PEX5L: variants seen among roughly 807,000 people sequenced by gnomAD.
PEX5L encodes PEX5-related protein.
Under a neutral mutation model 84.0 loss-of-function variants are expected in PEX5L, and 30 were observed. The observed-to-expected ratio is 0.36, with a 90% CI of 0.27 to 0.48. PEX5L has a LOEUF of 0.48. Among genes scored for constraint, PEX5L ranks in the 20% least tolerant of loss-of-function variants. The pLI, the probability that PEX5L is intolerant of heterozygous loss-of-function variation, is 0.99. For missense variants in PEX5L, 533 were observed against 754.6 expected, an observed-to-expected ratio of 0.71 and a Z score of 3.44; for synonymous variants, 270 against 283.1, an observed-to-expected ratio of 0.95 and a Z score of 0.46.
intron 2 of PEX5L, among the ~76,000 whole-genome samples, chr3:179,940,388 G>C (rs544586805): frequency 1.2e-3 from 182 of 152,248 alleles, no homozygotes; most frequent in Non-Finnish European, 2.0e-3. Flanking sequence ...GTGTGTGTTG[G>C]GGGGCGCTGG....
At chr3:180,002,732 T>C (rs563103387) in intron 1 of PEX5L, among the ~76,000 whole-genome samples, 4 of 152,260 alleles carry the variant, frequency 2.6e-5, no homozygotes, top group South Asian at 2.1e-4. Context: ...GTTTTAACTA[T>C]AGCTAGAAAT....
chr3:179,805,881 C>T (rs146913710), intron 14 of PEX5L, among the ~76,000 whole-genome samples: 148 of 151,760 alleles, frequency 9.8e-4, no homozygotes, highest in African/African-American at 3.4e-3. Flanking sequence ...TCTGTGAATG[C>T]CAAGAAAGTA....
Position 179,883,921 on chromosome 3 carries a change from G to A in PEX5L, c.310+3752C>T, listed in dbSNP as rs73060705. Among the ~76,000 whole-genome samples, 680 of 152,238 alleles carry A rather than the reference G, an allele frequency of 4.5e-3. 1 individual carries two copies. The highest frequency in any genetic ancestry group is 0.015 in the African/African-American group (643 of 41,550). On this transcript the variant is annotated intron_variant, in intron 4 of 14. Coordinates refer to ENST00000467460, the MANE Select transcript of PEX5L (RefSeq NM_016559.3). ...GTCATGATGCAAATAAATATTTATC[G>A]CTACTAGAAGATTCTACTGAAAGCA...
intron 8 of PEX5L, among the ~76,000 whole-genome samples, chr3:179,839,654 C>T (rs558793373): frequency 2.0e-5 from 3 of 152,306 alleles, no homozygotes; most frequent in African/African-American, 7.2e-5. Context: ...TTTTTCTTCA[C>T]TTGCACTGAG....
At chr3:179,953,829 T>C (rs1244269941) in intron 2 of PEX5L, among the ~76,000 whole-genome samples, 1 of 152,104 alleles carries the variant, frequency 6.6e-6, no homozygotes, top group Non-Finnish European at 1.5e-5. Context: ...TGACATGCAG[T>C]AAATCATAAT....
At position 179,799,912 on chromosome 3, in the gene PEX5L, C is replaced by T. The variant is rs1718366102; in HGVS notation, c.*1916G>A. On this transcript the variant is annotated 3_prime_UTR_variant, in exon 15 of 15. Coordinates refer to ENST00000467460, the MANE Select transcript of PEX5L (RefSeq NM_016559.3). ...CTGAGACTGGGTGGTCGCTGCTACC[C>T]ATGATGAGTGCCTGAATGCCTCTGC... 6.6e-6 allele frequency: 1 copy of T among 152,176 alleles called. No individual in the cohort carries two copies. The highest frequency in any genetic ancestry group is 1.5e-5 in the Non-Finnish European group (1 of 68,056). 9.4% of individuals were successfully genotyped at this position (152,176 alleles called of 1,614,324 possible).
At chr3:179,993,796 T>C (rs973263665) in intron 1 of PEX5L, among the ~76,000 whole-genome samples, 2 of 152,066 alleles carry the variant, frequency 1.3e-5, no homozygotes, top group Admixed American at 6.6e-5. Context: ...AGCCACCGCA[T>C]CCGGCTTTCC....
chr3:179,841,486 A>G (rs961570666), intron 8 of PEX5L, among the ~76,000 whole-genome samples: 1 of 152,178 alleles, frequency 6.6e-6, no homozygotes, highest in South Asian at 2.1e-4. Context: ...TTAATATATT[A>G]TATTAGGATT....
At chr3:179,981,815 A>G (rs201426034) in intron 1 of PEX5L, among the ~76,000 whole-genome samples, 35 of 148,320 alleles carry the variant, frequency 2.4e-4, no homozygotes, top group African/African-American at 8.8e-4. Flanking sequence ...GAAAAAAAAA[A>G]CAAAGGGAGT....
chr3:179,913,993 A>G (rs1184099435), intron 2 of PEX5L, among the ~76,000 whole-genome samples: 1 of 152,212 alleles, frequency 6.6e-6, no homozygotes, highest in Non-Finnish European at 1.5e-5. Context: ...TTTTATAAAT[A>G]TGATTTCTCT....
Position 179,800,321 on chromosome 3 carries a change from A to G in PEX5L, c.*1507T>C, listed in dbSNP as rs1221136743. The G allele has an allele frequency of 6.6e-6, 1 of 152,170 alleles. No homozygotes were observed. The highest frequency in any genetic ancestry group is 1.5e-5 in the Non-Finnish European group (1 of 68,024). The allele number at this position is 152,170 out of a possible 1,614,324, so 9.4% of individuals were successfully genotyped here. A position where few individuals can be genotyped will look rare whatever the true frequency, so the allele number is the denominator to read the frequency against. On this transcript the variant is annotated 3_prime_UTR_variant, in exon 15 of 15. Coordinates refer to ENST00000467460, the MANE Select transcript of PEX5L (RefSeq NM_016559.3). ...ATCATGAGCGGGATGAGCTATTATT[A>G]TCAAAGAACATAAATAAAAAGTTGT...
At chr3:179,830,898 C>G (rs1214843889) in intron 8 of PEX5L, among the ~76,000 whole-genome samples, 1 of 152,174 alleles carries the variant, frequency 6.6e-6, no homozygotes, top group African/African-American at 2.4e-5. Flanking sequence ...ACTGACATTC[C>G]TCCATTTTCA....
Position 179,796,229 on chromosome 3 carries a change from G to T in PEX5L, c.*5599C>A, listed in dbSNP as rs577765577. 42 of 136,094 alleles carry T rather than the reference G, an allele frequency of 3.1e-4. No individual in the cohort carries two copies. The highest frequency in any genetic ancestry group is 1.0e-3 in the African/African-American group (41 of 40,558). 8.4% of individuals were successfully genotyped at this position (136,094 alleles called of 1,614,324 possible). On this transcript the variant is annotated 3_prime_UTR_variant, in exon 15 of 15. Coordinates refer to ENST00000467460, the MANE Select transcript of PEX5L (RefSeq NM_016559.3). ...GATACACATTTTATAGTTGAGCAAA[G>T]AACTGCCTAATTGTTGTTGTTGTTT... is the stretch of plus-strand genomic sequence containing the variant.
At chr3:179,989,627 T>C (rs73180014) in intron 1 of PEX5L, among the ~76,000 whole-genome samples, 7,893 of 152,304 alleles carry the variant, frequency 0.052, 302 homozygotes, top group Non-Finnish European at 0.084. Flanking sequence ...ATTTATATCA[T>C]TTGTAATGAT....
chr3:179,986,497 G>T (rs1386471755), intron 1 of PEX5L, among the ~76,000 whole-genome samples: 1 of 150,828 alleles, frequency 6.6e-6, no homozygotes, highest in Non-Finnish European at 1.5e-5. Context: ...CCGCCTCCCG[G>T]GTTCACGCCA....
intron 2 of PEX5L, among the ~76,000 whole-genome samples, chr3:179,906,243 T>C (rs1359575535): frequency 1.3e-4 from 20 of 152,352 alleles, no homozygotes. Context: ...AGGACTTATT[T>C]ACCCTCTTTG....
chr3:179,958,335 T>C (rs1172886896), intron 2 of PEX5L, among the ~76,000 whole-genome samples: 1 of 152,218 alleles, frequency 6.6e-6, no homozygotes, highest in East Asian at 1.9e-4. Context: ...ACAGGCTGTG[T>C]AGAGAGCATA....
intron 14 of PEX5L, 141 bp downstream of exon 14, chr3:179,807,533 G>T: frequency 1.4e-6 from 1 of 735,458 alleles, no homozygotes; most frequent in South Asian, 2.1e-5. Context: ...CTTGGGATCT[G>T]AAGGCTCCAC....
intron 11 of PEX5L, among the ~76,000 whole-genome samples, chr3:179,811,283 T>A (rs1166243687): frequency 6.6e-6 from 1 of 152,036 alleles, no homozygotes; most frequent in Non-Finnish European, 1.5e-5. Context: ...TCTCTTCCTA[T>A]AGCACTATAT....
Sources: allele counts gnomAD v4.1 joint callset (sites outside exome capture counted in the v4.1 genomes callset), GRCh38; gene constraint gnomAD v4.1.1; transcripts MANE v1.5; gene names NCBI Gene and HGNC (gene_info 2026-07-23, HGNC 2026-07-21).